RBM20: variants seen among roughly 807,000 people sequenced by gnomAD.
The protein encoded by RBM20 is RNA binding motif protein 20.
In RBM20, 51 loss-of-function variants were observed where a neutral mutation model predicts 110.1. The ratio of observed to expected loss-of-function variants is 0.46; its 90% CI spans 0.37 to 0.59. RBM20 has a LOEUF of 0.59. Among genes scored for constraint, RBM20 ranks in the 20% least tolerant of loss-of-function variants. The probability of loss-of-function intolerance (pLI) is 0.00; values close to 1 mark genes in which losing one functional copy is unlikely to be tolerated. For synonymous variants in RBM20, 589 were observed against 618.2 expected, an observed-to-expected ratio of 0.95 and a Z score of 0.70; for missense variants, 1,512 against 1,574.9, an observed-to-expected ratio of 0.96 and a Z score of 0.68.
chr10:110,767,161 G>T (rs565175616), intron 1 of RBM20, among the ~76,000 whole-genome samples: 1 of 86,728 alleles, frequency 1.2e-5, no homozygotes, highest in Non-Finnish European at 2.6e-5. Flanking sequence ...CCGGGCGGGG[G>T]GCTGACCCCC....
chr10:110,813,323 T>C (rs1313428715), intron 9 of RBM20, among the ~76,000 whole-genome samples: 1 of 152,228 alleles, frequency 6.6e-6, no homozygotes, highest in Non-Finnish European at 1.5e-5. Flanking sequence ...GAAAGGCCTG[T>C]AGTCCTGTTC....
At chr10:110,767,692 G>A (rs1310280809) in intron 1 of RBM20, among the ~76,000 whole-genome samples, 2 of 151,866 alleles carry the variant, frequency 1.3e-5, no homozygotes, top group Non-Finnish European at 2.9e-5. Flanking sequence ...TCCCAGACGG[G>A]GTGGCGGGGC....
chr10:110,705,089 C>T (rs536448085), intron 1 of RBM20, among the ~76,000 whole-genome samples: 19 of 152,268 alleles, frequency 1.2e-4, no homozygotes, highest in Admixed American at 2.6e-4. Context: ...ACAAAAAGTT[C>T]GATTGTTGGC....
intron 1 of RBM20, among the ~76,000 whole-genome samples, chr10:110,657,021 C>CTTTTTT (rs58478679): frequency 7.0e-6 from 1 of 142,984 alleles, no homozygotes; most frequent in Non-Finnish European, 1.5e-5. Context: ...TATGGTAATT[C>CTTTTTT]TTTTTTTTTT....
chr10:110,776,994 C>T (rs1452729348), intron 1 of RBM20, among the ~76,000 whole-genome samples: 1 of 152,106 alleles, frequency 6.6e-6, no homozygotes, highest in African/African-American at 2.4e-5. Context: ...GGTTTTTCTC[C>T]ACAGAATTGG....
Position 110,812,635 on chromosome 10 carries a change from C to T in RBM20, c.2238C>T (p.Pro746=). Reference sequence around the variant, plus strand: ...CGAGATCTGGGTCTCCCAACCTGCCCCACTCTGTGTCCAGCTACAAAAGCC... The same window carrying T: ...CGAGATCTGGGTCTCCCAACCTGCCTCACTCTGTGTCCAGCTACAAAAGCC... ...KYPRSGSPNL[P]HSVSSYKSRE... is the part of the protein sequence containing the mutation. Residue 746 remains proline, a synonymous_variant, in exon 9 of 14, where the codon CCC becomes CCT. Transcript: ENST00000369519. The T allele has an allele frequency of 6.4e-7, 1 of 1,551,664 alleles. No homozygotes were observed.
intron 1 of RBM20, among the ~76,000 whole-genome samples, chr10:110,765,112 G>T (rs1393605643): frequency 1.3e-5 from 2 of 152,088 alleles, no homozygotes; most frequent in Non-Finnish European, 2.9e-5. Flanking sequence ...CTCTTTTTAC[G>T]CTGGTTACTA....
intron 1 of RBM20, among the ~76,000 whole-genome samples, chr10:110,741,322 G>A (rs1045110988): frequency 6.6e-6 from 1 of 152,226 alleles, no homozygotes; most frequent in African/African-American, 2.4e-5. Flanking sequence ...AGATAATAGA[G>A]AAATAACAGG....
intron 8 of RBM20, among the ~76,000 whole-genome samples, chr10:110,811,260 C>A (rs1021022863): frequency 6.6e-5 from 10 of 152,190 alleles, no homozygotes; most frequent in African/African-American, 2.2e-4. Context: ...ACCTTGGTGT[C>A]CCCTGGTCAG....
At chr10:110,696,276 C>T (rs1009375614) in intron 1 of RBM20, among the ~76,000 whole-genome samples, 1 of 152,198 alleles carries the variant, frequency 6.6e-6, no homozygotes, top group Non-Finnish European at 1.5e-5. Flanking sequence ...TGTCCCCAAC[C>T]CTACTCCCCC....
At chr10:110,719,752 C>T (rs10885025) in intron 1 of RBM20, among the ~76,000 whole-genome samples, 81,101 of 151,922 alleles carry the variant, frequency 0.53, 22,387 homozygotes, top group East Asian at 0.97. Flanking sequence ...CCAGTATTGT[C>T]ATCTTTGTCT....
chr10:110,748,095 T>C (rs1843805530), intron 1 of RBM20, among the ~76,000 whole-genome samples: 1 of 152,158 alleles, frequency 6.6e-6, no homozygotes, highest in African/African-American at 2.4e-5. Context: ...TATGAGTAAG[T>C]GGAGAAAGTA....
In RBM20 at chr10:110,792,861, T is replaced by C. The variant is rs866157844; in HGVS notation, c.1528-4647T>C. ...AAACATGTCTGAAAGATGAACATGCTTGGGAATGGATGCATGGTTAAACAG... is the reference window on the plus strand; with the variant it reads ...AAACATGTCTGAAAGATGAACATGCCTGGGAATGGATGCATGGTTAAACAG... On this transcript the variant is annotated intron_variant, in intron 5 of 13. Coordinates refer to ENST00000369519, the MANE Select transcript of RBM20 (RefSeq NM_001134363.3). Among the ~76,000 whole-genome samples the C allele has an allele frequency of 6.6e-5, 10 of 152,240 alleles. No homozygotes were observed. The South Asian group carries it at 1.9e-3, about 28-fold the overall frequency.
intron 1 of RBM20, among the ~76,000 whole-genome samples, chr10:110,725,716 T>C (rs1041553162): frequency 3.3e-5 from 5 of 152,232 alleles, no homozygotes; most frequent in Non-Finnish European, 7.3e-5. Context: ...TGGTTGTGTA[T>C]TTCAGGGGCT....
rs542796189 is a variant in RBM20 at position 110,792,133 on chromosome 10, C to T, written c.1528-5375C>T. ...TTGCTTTGTCATTTTCTCTATCTTC[C>T]TCTATCTGTCTATCTATCTATCTAT... On this transcript the variant is annotated intron_variant, in intron 5 of 13. Transcript: ENST00000369519. Among the ~76,000 whole-genome samples the T allele has an allele frequency of 1.5e-4, 21 of 144,538 alleles. No individual in the cohort carries two copies. In the East Asian group the frequency reaches 2.1e-3, roughly 14 times the overall value. The allele number at this position is 144,538 out of a possible 152,430, so 94.8% of individuals were successfully genotyped here.
chr10:110,673,263 G>A (rs533573830), intron 1 of RBM20, among the ~76,000 whole-genome samples: 1 of 151,774 alleles, frequency 6.6e-6, no homozygotes, highest in African/African-American at 2.4e-5. Context: ...CCAGGCTGGA[G>A]TACCATGGTG....
At chr10:110,662,653 A>G (rs1055286234) in intron 1 of RBM20, among the ~76,000 whole-genome samples, 1 of 152,232 alleles carries the variant, frequency 6.6e-6, no homozygotes, top group Non-Finnish European at 1.5e-5. Flanking sequence ...AATCAATCCT[A>G]TTATAGGATC....
intron 1 of RBM20, among the ~76,000 whole-genome samples, chr10:110,776,818 C>T (rs1048757949): frequency 1.3e-5 from 2 of 152,208 alleles, no homozygotes; most frequent in Admixed American, 1.3e-4. Flanking sequence ...ATTATCCACT[C>T]AATTTAAAAA....
intron 6 of RBM20, among the ~76,000 whole-genome samples, chr10:110,798,249 T>C (rs1472439987): frequency 6.6e-6 from 1 of 152,228 alleles, no homozygotes. Context: ...GTGGGGAGTT[T>C]ATACTCCCAA....
Sources: allele counts gnomAD v4.1 joint callset (sites outside exome capture counted in the v4.1 genomes callset), GRCh38; gene constraint gnomAD v4.1.1; transcripts MANE v1.5; gene names NCBI Gene and HGNC (gene_info 2026-07-23, HGNC 2026-07-21).